Variants in BCO2 observed in about 807,000 individuals in gnomAD.
The protein encoded by BCO2 is carotenoid-cleaving dioxygenase, mitochondrial.
Under a neutral mutation model 65.8 loss-of-function variants are expected in BCO2, and 56 were observed. That is an observed-to-expected ratio of 0.85 (90% confidence interval 0.69 to 1.06). The LOEUF (loss-of-function observed/expected upper bound fraction) is 1.06, where lower values mean the gene tolerates loss of function less well. BCO2 is among the 50% of genes least tolerant of loss of function. The pLI, the probability that BCO2 is intolerant of heterozygous loss-of-function variation, is 0.00. For synonymous variants in BCO2, 233 were observed against 242.3 expected, an observed-to-expected ratio of 0.96 and a Z score of 0.36; for missense variants, 675 against 698.5, an observed-to-expected ratio of 0.97 and a Z score of 0.38.
intron 8 of BCO2, among the ~76,000 whole-genome samples, chr11:112,206,909 T>C (rs562453522): frequency 6.6e-6 from 1 of 152,380 alleles, no homozygotes; most frequent in East Asian, 1.9e-4. Context: ...GTTTTCAGTA[T>C]AAAGATACTA....
chr11:112,176,526 G>T (rs1361447305), intron 1 of BCO2: 2 of 122,368 alleles, frequency 1.6e-5, no homozygotes, highest in African/African-American at 6.1e-5. Context: ...GCGGGGGGGG[G>T]GGAATTAAAC....
chr11:112,180,641 C>T (rs1272963241), intron 2 of BCO2: 2 of 664,122 alleles, frequency 3.0e-6, no homozygotes, highest in African/African-American at 1.9e-5. Flanking sequence ...GGTGTGTCCC[C>T]AAGGGCAGAA....
intron 1 of BCO2, among the ~76,000 whole-genome samples, chr11:112,177,147 C>A (rs985096079): frequency 6.6e-6 from 1 of 152,114 alleles, no homozygotes; most frequent in African/African-American, 2.4e-5. Flanking sequence ...AATTACATAC[C>A]TGACCTTAGG....
At chr11:112,192,978 CTT>C (rs34728026) in intron 2 of BCO2, among the ~76,000 whole-genome samples, 908 of 74,790 alleles carry the variant, frequency 0.012, 9 homozygotes, top group Middle Eastern at 0.057. Context: ...GTAAATTATT[CTT>C]TTTTTTTTTT....
At position 112,180,968 on chromosome 11, in the gene BCO2, G is replaced by A. The variant is rs1592833714; in HGVS notation, c.293+1486G>A. On this transcript the variant is annotated intron_variant, in intron 2 of 11. Coordinates refer to ENST00000357685, the MANE Select transcript of BCO2 (RefSeq NM_031938.7). ...GGATGATGATGTTTTGTTTGTTTGT[G>A]AAGGAGAGCCATTTATTGATCCTCA... The A allele has an allele frequency of 5.8e-6, 7 of 1,210,692 alleles. No homozygotes were observed. In the East Asian group the frequency reaches 9.3e-5, roughly 16 times the overall value. The allele number at this position is 1,210,692 out of a possible 1,614,324, so 75.0% of individuals were successfully genotyped here.
intron 2 of BCO2, among the ~76,000 whole-genome samples, chr11:112,188,401 A>G (rs1311133552): frequency 7.2e-5 from 11 of 152,132 alleles, no homozygotes; most frequent in East Asian, 3.9e-4. Context: ...GGCTTCTTCA[A>G]TCTGTATGCT....
intron 2 of BCO2, among the ~76,000 whole-genome samples, chr11:112,185,346 C>T (rs1274907931): frequency 2.6e-5 from 4 of 152,112 alleles, no homozygotes; most frequent in Admixed American, 2.6e-4. Flanking sequence ...AAACCAATAA[C>T]TCTTCAGTAT....
chr11:112,182,804 TAACA>T (rs1867090701), intron 2 of BCO2: 2 of 641,348 alleles, frequency 3.1e-6, no homozygotes, highest in Non-Finnish European at 5.4e-6. Context: ...TGTACATATG[TAACA>T]AACCGGCACG....
chr11:112,213,539 T>C (rs1490163990), intron 8 of BCO2, among the ~76,000 whole-genome samples, 185 bp from the exon 9 acceptor site: 5 of 152,200 alleles, frequency 3.3e-5, no homozygotes, highest in African/African-American at 1.2e-4. Flanking sequence ...CATGACTGTA[T>C]CTCCAGTGTC....
intron 2 of BCO2, among the ~76,000 whole-genome samples, chr11:112,186,658 T>G (rs1237584944): frequency 6.6e-6 from 1 of 152,162 alleles, no homozygotes; most frequent in Non-Finnish European, 1.5e-5. Flanking sequence ...CAATTAAATT[T>G]TTTTCATCAA....
chr11:112,207,824 C>A (rs1330607894), intron 8 of BCO2, among the ~76,000 whole-genome samples: 2 of 151,504 alleles, frequency 1.3e-5, no homozygotes, highest in Non-Finnish European at 2.9e-5. Flanking sequence ...TCTTTAATTT[C>A]TTTCAATGTT....
At position 112,182,592 on chromosome 11, in the gene BCO2, A is replaced by G. The variant is rs1331909460; in HGVS notation, c.293+3110A>G. ...TGGAAACTATCATTCTCAGCAAACT[A>G]TTGCAAGGACAGAAAACCAAATACC... On this transcript the variant is annotated intron_variant, in intron 2 of 11. Coordinates refer to ENST00000357685, the MANE Select transcript of BCO2 (RefSeq NM_031938.7). Among the ~76,000 whole-genome samples the G allele has an allele frequency of 5.9e-5, 9 of 152,172 alleles. No homozygotes were observed. The East Asian group carries it at 1.7e-3, about 29-fold the overall frequency.
intron 2 of BCO2, chr11:112,183,017 T>C (rs781470583): frequency 1.1e-5 from 12 of 1,118,714 alleles, no homozygotes; most frequent in Admixed American, 8.4e-5. Flanking sequence ...CATTAAAAAA[T>C]GCAAAGTTGA....
intron 2 of BCO2, among the ~76,000 whole-genome samples, chr11:112,190,713 G>GGGTGT (rs1406898890): frequency 1.3e-5 from 2 of 151,796 alleles, no homozygotes; most frequent in Non-Finnish European, 2.9e-5. Flanking sequence ...AAAATTAGCT[G>GGGTGT]GGTGTGGTGG....
intron 6 of BCO2, chr11:112,200,405 C>A: frequency 2.3e-6 from 1 of 427,092 alleles, no homozygotes; most frequent in Non-Finnish European, 4.1e-6. Flanking sequence ...ACATGCAACC[C>A]AAGCTATTCT....
In BCO2 at chr11:112,193,670, A is replaced by G; in HGVS notation, c.490A>G (p.Arg164Gly). 3 of 1,614,070 alleles carry G rather than the reference A, an allele frequency of 1.9e-6. No homozygotes were observed. Among genetic ancestry groups the G allele is most frequent in the Non-Finnish European group, 2.5e-6 (3 of 1,179,960 alleles). The change falls in exon 3 of 12, where the codon AGG becomes GGG. Residue 164 changes from arginine to glycine, a missense_variant. Physicochemically the swap from Arg to Gly is moderately radical, Grantham distance 125. Transcript: ENST00000357685. ...CKNVFERFMS[R>G]FELPGKAAAM... The stretch of plus-strand genomic sequence containing the variant: ...GAATGTTTTTGAACGTTTCATGTCC[A>G]GGTTTGAGCTGCCTGGTAAAGCTGC...
intron 4 of BCO2, chr11:112,194,312 A>G (rs971407236): frequency 1.9e-5 from 8 of 410,758 alleles, no homozygotes; most frequent in Non-Finnish European, 3.5e-5. Context: ...GAGGTTGTCT[A>G]TACCTGTATT....
At chr11:112,200,918 C>A in intron 7 of BCO2, 145 bp downstream of exon 7, 1 of 818,940 alleles carries the variant, frequency 1.2e-6, no homozygotes, top group Non-Finnish European at 1.9e-6. Context: ...ATAGGTTGAG[C>A]TAGCTACTTA....
At position 112,218,799 on chromosome 11, in the gene BCO2, A is replaced by T. The variant is rs1385435736; in HGVS notation, c.*925A>T. 5 of 152,248 alleles carry T rather than the reference A, an allele frequency of 3.3e-5. No individual in the cohort carries two copies. Among genetic ancestry groups the T allele is most frequent in the African/African-American group, 4.8e-5 (2 of 41,462 alleles). The allele number at this position is 152,248 out of a possible 1,614,324, so 9.4% of individuals were successfully genotyped here. ...ATTCATAATATAACTATGGTTATAG[A>T]TATTTATTTTTTAGGGCTCTTACTT... On this transcript the variant is annotated 3_prime_UTR_variant, in exon 12 of 12. Transcript: ENST00000357685.
Sources: allele counts gnomAD v4.1 joint callset (sites outside exome capture counted in the v4.1 genomes callset), GRCh38; gene constraint gnomAD v4.1.1; transcripts MANE v1.5; gene names NCBI Gene and HGNC (gene_info 2026-07-23, HGNC 2026-07-21).